RFX3: variants seen among roughly 807,000 people sequenced by gnomAD.
The protein encoded by RFX3 is regulatory factor X3.
RFX3 carries 14 observed loss-of-function variants against 98.6 expected under a neutral mutation model. That is an observed-to-expected ratio of 0.14 (90% CI 0.09 to 0.22). The LOEUF (loss-of-function observed/expected upper bound fraction) is 0.22. RFX3 is among the 10% of genes least tolerant of loss of function. RFX3 has a pLI of 1.00. For missense variants in RFX3, 639 were observed against 926.9 expected (o/e 0.69, Z 4.03); for synonymous variants, 383 against 328.4 (o/e 1.17, Z -1.80).
intron 1 of RFX3, among the ~76,000 whole-genome samples, chr9:3,512,266 T>C (rs980118475): frequency 1.3e-5 from 2 of 152,060 alleles, no homozygotes; most frequent in African/African-American, 4.8e-5. Flanking sequence ...GTTATTTCAA[T>C]ATGCAAATAT....
intron 4 of RFX3, among the ~76,000 whole-genome samples, chr9:3,303,788 G>C (rs115502841): frequency 6.6e-6 from 1 of 151,984 alleles, no homozygotes; most frequent in Non-Finnish European, 1.5e-5. Flanking sequence ...AAGAGCTTTG[G>C]AAAGGTGCAA....
chr9:3,474,977 T>C (rs913588611), intron 1 of RFX3, among the ~76,000 whole-genome samples: 1 of 151,820 alleles, frequency 6.6e-6, no homozygotes, highest in South Asian at 2.1e-4. Context: ...CACATGCCTA[T>C]AGTCCTAGCT....
intron 1 of RFX3, among the ~76,000 whole-genome samples, chr9:3,470,378 G>C (rs1187987894): frequency 6.7e-6 from 1 of 149,818 alleles, no homozygotes; most frequent in South Asian, 2.1e-4. Context: ...GCAGTGGTGC[G>C]ATCTTGACTC....
At chr9:3,490,661 AT>A (rs1416981683) in intron 1 of RFX3, among the ~76,000 whole-genome samples, 1 of 152,148 alleles carries the variant, frequency 6.6e-6, no homozygotes, top group African/African-American at 2.4e-5. Context: ...CAGAAAAAGC[AT>A]TCTTTAAAAG....
chr9:3,286,049 A>C (rs1826551513), intron 7 of RFX3, among the ~76,000 whole-genome samples: 3 of 151,862 alleles, frequency 2.0e-5, no homozygotes, highest in Non-Finnish European at 4.4e-5. Context: ...GCAGTCAAAT[A>C]ATGGGCTTCA....
intron 11 of RFX3, among the ~76,000 whole-genome samples, chr9:3,270,086 G>GAAAGAAAGAAAT (rs1563833310): frequency 3.6e-4 from 4 of 11,122 alleles, no homozygotes; most frequent in Admixed American, 2.3e-3. Context: ...AAGAAGGAAA[G>GAAAGAAAGAAAT]AAAGAAAGAA....
At chr9:3,279,706 C>T (rs1201765959) in intron 7 of RFX3, among the ~76,000 whole-genome samples, 1 of 151,788 alleles carries the variant, frequency 6.6e-6, no homozygotes, top group East Asian at 1.9e-4. Context: ...AATACTATAG[C>T]CTACAAGCAA....
At chr9:3,477,194 T>C (rs114304410) in intron 1 of RFX3, among the ~76,000 whole-genome samples, 6 of 152,284 alleles carry the variant, frequency 3.9e-5, no homozygotes, top group East Asian at 1.9e-4. Flanking sequence ...ACAAAAGACA[T>C]GGATTTAGAG....
intron 2 of RFX3, among the ~76,000 whole-genome samples, chr9:3,361,073 T>G (rs1764089960): frequency 6.6e-6 from 1 of 152,190 alleles, no homozygotes; most frequent in Admixed American, 6.5e-5. Flanking sequence ...TAAGATCATT[T>G]TAATAGACCT....
At chr9:3,328,333 T>C (rs1832168582) in intron 4 of RFX3, among the ~76,000 whole-genome samples, 1 of 152,308 alleles carries the variant, frequency 6.6e-6, no homozygotes, top group South Asian at 2.1e-4. Flanking sequence ...TTAGAATATT[T>C]TATAATTCCT....
chr9:3,425,061 T>G (rs1048690006), intron 1 of RFX3, among the ~76,000 whole-genome samples: 1 of 152,092 alleles, frequency 6.6e-6, no homozygotes, highest in African/African-American at 2.4e-5. Flanking sequence ...AAACCCTGTC[T>G]CTACAAAAAA....
chr9:3,478,714 T>C (rs576146103), intron 1 of RFX3, among the ~76,000 whole-genome samples: 1 of 152,276 alleles, frequency 6.6e-6, no homozygotes, highest in African/African-American at 2.4e-5. Flanking sequence ...GACTTGCACA[T>C]TGTACAGCCT....
intron 2 of RFX3, among the ~76,000 whole-genome samples, chr9:3,374,550 G>C (rs1300841800): frequency 6.6e-6 from 1 of 152,174 alleles, no homozygotes; most frequent in Non-Finnish European, 1.5e-5. Context: ...AGGAAATTCT[G>C]ATACATGCTA....
intron 1 of RFX3, among the ~76,000 whole-genome samples, chr9:3,409,791 C>G (rs1344438709): frequency 6.6e-6 from 1 of 152,126 alleles, no homozygotes; most frequent in African/African-American, 2.4e-5. Flanking sequence ...TTCCCAAAAT[C>G]ACAGCCCTTT....
chr9:3,303,417 A>C (rs888131761), intron 4 of RFX3, among the ~76,000 whole-genome samples: 1 of 151,892 alleles, frequency 6.6e-6, no homozygotes, highest in Admixed American at 6.6e-5. Context: ...CAAAACCCTA[A>C]TTTGCCATTA....
chr9:3,247,735 A>G, intron 15 of RFX3: 2 of 1,536,564 alleles, frequency 1.3e-6, no homozygotes, highest in Non-Finnish European at 1.7e-6. Flanking sequence ...CCCACTTAAA[A>G]TATTTTTCAT....
At chr9:3,233,679 C>A (rs2130746409) in intron 15 of RFX3, among the ~76,000 whole-genome samples, 1 of 152,254 alleles carries the variant, frequency 6.6e-6, no homozygotes, top group African/African-American at 2.4e-5. Context: ...AGTGAGTAAT[C>A]ATAATCACAT....
intron 1 of RFX3, among the ~76,000 whole-genome samples, chr9:3,397,019 A>G (rs1192726269): frequency 3.3e-5 from 5 of 152,212 alleles, no homozygotes. Flanking sequence ...TTATACAAAG[A>G]TAGCCCCAAA....
intron 1 of RFX3, among the ~76,000 whole-genome samples, chr9:3,514,894 G>A (rs1424926248): frequency 6.6e-6 from 1 of 152,130 alleles, no homozygotes; most frequent in Non-Finnish European, 1.5e-5. Flanking sequence ...AAGTTGTAAA[G>A]GTGATTTTCA....
Sources: gnomAD v4.1 joint callset for allele counts (sites outside exome capture counted in the v4.1 genomes callset) on GRCh38, gnomAD v4.1.1 for gene constraint, MANE v1.5 for transcripts, NCBI Gene and HGNC (gene_info 2026-07-23, HGNC 2026-07-21) for gene names.